PPM1F: variants seen among roughly 807,000 people sequenced by gnomAD.
The protein encoded by PPM1F is protein phosphatase, Mg2+/Mn2+ dependent 1F.
A neutral mutation model predicts 35.5 loss-of-function variants in PPM1F; 17 were observed. That is an observed-to-expected ratio of 0.48 (90% CI 0.33 to 0.72). The LOEUF is 0.72. Ranked by LOEUF, PPM1F falls within the 30% of genes least tolerant of loss-of-function variation. The probability of loss-of-function intolerance (pLI) is 0.02; values close to 1 mark genes in which losing one functional copy is unlikely to be tolerated. For synonymous variants in PPM1F, 241 were observed against 255.5 expected, an observed-to-expected ratio of 0.94 and a Z score of 0.54; for missense variants, 521 against 613.0, an observed-to-expected ratio of 0.85 and a Z score of 1.59.
At chr22:21,931,476 C>T (rs77864074) in intron 5 of PPM1F, among the ~76,000 whole-genome samples, 185 bp from the exon 6 acceptor site, 1 of 152,090 alleles carries the variant, frequency 6.6e-6, no homozygotes, top group African/African-American at 2.4e-5. Context: ...CCACTTACTA[C>T]CTGTCAATTG....
intron 6 of PPM1F, among the ~76,000 whole-genome samples, chr22:21,930,016 C>T (rs1283887765): frequency 6.6e-6 from 1 of 152,202 alleles, no homozygotes; most frequent in Admixed American, 6.5e-5. Context: ...AAGGAACCAA[C>T]CTCCTTCACA....
intron 7 of PPM1F, 80 bp from the exon 8 acceptor site, chr22:21,923,551 A>C: frequency 5.4e-6 from 8 of 1,479,154 alleles, no homozygotes; most frequent in Admixed American, 2.2e-5. Flanking sequence ...CCTAGACCTC[A>C]CATCCTGCAG....
At chr22:21,942,878 A>C (rs1355772892) in intron 2 of PPM1F, 3 of 152,350 alleles carry the variant, frequency 2.0e-5, no homozygotes, top group Non-Finnish European at 1.5e-5. Context: ...CTCCAGGGAC[A>C]AGCCAAGGTG....
intron 7 of PPM1F, chr22:21,925,283 T>C: frequency 2.4e-6 from 1 of 417,162 alleles, no homozygotes; most frequent in Non-Finnish European, 4.2e-6. Flanking sequence ...TTGGAAGCTC[T>C]ACTTCCAGCC....
In PPM1F at chr22:21,919,503, C is replaced by G. The variant is rs1371286039; in HGVS notation, c.*3589G>C. 2.0e-5 allele frequency: 3 copies of G among 152,522 alleles called. No homozygotes were observed. The highest frequency in any genetic ancestry group is 6.5e-5 in the Admixed American group (1 of 15,284). The allele number at this position is 152,522 out of a possible 1,614,324, so 9.4% of individuals were successfully genotyped here. On this transcript the variant is annotated 3_prime_UTR_variant, in exon 8 of 8. Coordinates refer to ENST00000263212, the MANE Select transcript of PPM1F (RefSeq NM_014634.4). ...CCTTTCTGGCATCTTGGGACTTGTC[C>G]CTAAGAATAGGGAAGACAGTCATCC...
At chr22:21,923,925 T>C (rs2070479477) in intron 7 of PPM1F, among the ~76,000 whole-genome samples, 1 of 151,484 alleles carries the variant, frequency 6.6e-6, no homozygotes, top group Admixed American at 6.6e-5. Flanking sequence ...CTTGACCTTG[T>C]GATCTGCCCA....
At chr22:21,947,200 C>T (rs1254556392) in intron 1 of PPM1F, 1 of 152,792 alleles carries the variant, frequency 6.5e-6, no homozygotes, top group African/African-American at 2.4e-5. Context: ...GCCTGCCTGC[C>T]TTGCCTATAC....
intron 5 of PPM1F, 77 bp from the exon 6 acceptor site, chr22:21,931,368 T>G (rs1009314013): frequency 7.8e-6 from 11 of 1,403,306 alleles, no homozygotes; most frequent in Non-Finnish European, 1.1e-5. Flanking sequence ...GGATGAAGCT[T>G]CCGGGGGTGA....
Position 21,939,919 on chromosome 22 carries a change from A to G in PPM1F, c.207-239T>C, listed in dbSNP as rs998830851. ...GGGAGGGGGCTGTTGATGGGCAAGT[A>G]AACTGCCTGACATCCATGCTGATGA... On this transcript the variant is annotated intron_variant, in intron 2 of 7. Transcript: ENST00000263212. This position sits in a 1 kb window ranked among gnomAD's most constrained non-coding sequence, Gnocchi z 5.1. 1.3e-5 allele frequency among the ~76,000 whole-genome samples: 2 copies of G among 152,184 alleles called. No homozygotes were observed. Among genetic ancestry groups the G allele is most frequent in the Admixed American group, 1.3e-4 (2 of 15,284 alleles).
At position 21,923,258 on chromosome 22, in the gene PPM1F, C is replaced by T. The variant is rs200753279; in HGVS notation, c.1199G>A (p.Arg400Gln). The change falls in exon 8 of 8, where the codon CGG (arginine) becomes CAG (glutamine). Residue 400 changes from arginine to glutamine, a missense_variant. This residue lies in a region of PPM1F where 163 missense variants were observed against 169.6 expected (regional missense o/e 0.96). Coordinates refer to ENST00000263212, the MANE Select transcript of PPM1F (RefSeq NM_014634.4). ...GACCGTGATGTTGTCGTGGGAGCCC[C>T]GCTCCCGGGCCGCAGCCACCAGCTC... ...AEELVAAARE[R>Q]GSHDNITVMV... is the part of the protein sequence containing the mutation. The T allele has an allele frequency of 6.2e-6, 10 of 1,613,410 alleles. No homozygotes were observed. The highest frequency in any genetic ancestry group is 5.0e-5 in the Admixed American group (3 of 60,010).
chr22:21,938,284 G>T (rs959129761), intron 3 of PPM1F: 3 of 1,274,018 alleles, frequency 2.4e-6, no homozygotes, highest in African/African-American at 1.5e-5. Context: ...GCGCCCCCTT[G>T]GTGGGGCCGC....
chr22:21,931,461 A>G (rs2070589442), intron 5 of PPM1F, among the ~76,000 whole-genome samples, 170 bp from the exon 6 acceptor site: 1 of 152,160 alleles, frequency 6.6e-6, no homozygotes, highest in Non-Finnish European at 1.5e-5. Flanking sequence ...GACTTCAAAT[A>G]TGCACCACTT....
intron 4 of PPM1F, among the ~76,000 whole-genome samples, 161 bp from the exon 5 acceptor site, chr22:21,933,740 G>A (rs1359685437): frequency 4.6e-5 from 7 of 152,172 alleles, no homozygotes; most frequent in East Asian, 1.9e-4. Context: ...GACAGCTCGC[G>A]GGAGCCTCGG....
chr22:21,925,666 C>A lies in PPM1F; in HGVS notation c.892-4G>T. The stretch of plus-strand genomic sequence containing the variant: ...CTTCAATGCGCGCCTTCTCATCCTG[C>A]AGAAACACAGCCAGAGTTGGGGGCA... On this transcript the variant is annotated splice_polypyrimidine_tract_variant and splice_region_variant and intron_variant, in intron 6 of 7. Transcript: ENST00000263212. 1.3e-6 allele frequency: 2 copies of A among 1,573,266 alleles called. No homozygotes were observed. Among genetic ancestry groups the A allele is most frequent in the South Asian group, 2.3e-5 (2 of 86,942 alleles).
intron 6 of PPM1F, among the ~76,000 whole-genome samples, chr22:21,929,232 A>G (rs1156247015): frequency 6.6e-6 from 1 of 152,176 alleles, no homozygotes; most frequent in African/African-American, 2.4e-5. Flanking sequence ...GGAGGGGCCA[A>G]GCCTACAGAG....
chr22:21,929,493 G>C (rs968082341), intron 6 of PPM1F, among the ~76,000 whole-genome samples: 2 of 152,254 alleles, frequency 1.3e-5, no homozygotes, highest in African/African-American at 4.8e-5. Flanking sequence ...CCATACTGCA[G>C]GACTCAGGCA....
At chr22:21,950,477 C>T (rs2070824229) in intron 1 of PPM1F, 2 of 151,928 alleles carry the variant, frequency 1.3e-5, no homozygotes, top group South Asian at 2.1e-4. Context: ...TTAACAACTG[C>T]AGTTTTTTAG....
chr22:21,946,095 C>A lies in PPM1F; in HGVS notation c.-47G>T. 1 of 1,437,060 alleles carries A rather than the reference C, an allele frequency of 7.0e-7. No individual in the cohort carries two copies. Among genetic ancestry groups the A allele is most frequent in the South Asian group, 1.4e-5 (1 of 69,364 alleles). 89.0% of individuals were successfully genotyped at this position (1,437,060 alleles called of 1,614,324 possible). On this transcript the variant is annotated 5_prime_UTR_variant, in exon 2 of 8. Coordinates refer to ENST00000263212, the MANE Select transcript of PPM1F (RefSeq NM_014634.4). ...TGCAGCTAGGCCAGGGCAAGAGGGT[C>A]TCCAGGCTTCACCCTGGGGAGAAAT...
chr22:21,938,841 T>C (rs1457331853), intron 3 of PPM1F: 2 of 154,086 alleles, frequency 1.3e-5, no homozygotes, highest in African/African-American at 4.8e-5. Flanking sequence ...GAAAGTCACA[T>C]GAAATAAAAG....
Sources: gnomAD v4.1 joint callset for allele counts (sites outside exome capture counted in the v4.1 genomes callset) on GRCh38, gnomAD v4.1.1 for gene constraint, gnomAD v4.1.1 regional missense constraint, Gnocchi (gnomAD v3.1) non-coding constraint, MANE v1.5 for transcripts, NCBI Gene and HGNC (gene_info 2026-07-23, HGNC 2026-07-21) for gene names.